Variants in TSPAN15 observed in about 807,000 individuals in gnomAD.
The protein encoded by TSPAN15 is tetraspanin 15.
TSPAN15 carries 20 observed loss-of-function variants against 34.5 expected under a neutral mutation model. That is an observed-to-expected ratio of 0.58 (90% CI 0.41 to 0.84). TSPAN15 has a LOEUF of 0.84. Ranked by LOEUF, TSPAN15 falls within the 40% of genes least tolerant of loss-of-function variation. The pLI is 0.00. For missense variants in TSPAN15, 313 were observed against 386.1 expected (o/e 0.81, Z 1.59); for synonymous variants, 155 against 153.9 (o/e 1.01, Z -0.05).
chr10:69,537,622 A>G, the TSPAN15 span, among the ~76,000 whole-genome samples: 5,099 of 152,330 alleles, frequency 0.033, 137 homozygotes, highest in Non-Finnish European at 0.054. Flanking sequence ...ATCTTGGATT[A>G]GAGGCCTATC....
In TSPAN15 at chr10:69,469,245, T is replaced by A. The variant is rs144844070; in HGVS notation, c.97-14446T>A. Reference sequence around the variant, plus strand: ...GTGGGCTCAGAGAGGGCCTGGGAGCTCCCTCCCCACCTTGCCCAGTGCATC... The same window carrying A: ...GTGGGCTCAGAGAGGGCCTGGGAGCACCCTCCCCACCTTGCCCAGTGCATC... On this transcript the variant is annotated intron_variant, in intron 1 of 7. Transcript: ENST00000373290. Among the ~76,000 whole-genome samples the A allele has an allele frequency of 2.1e-3, 316 of 152,174 alleles. 1 individual carries two copies. Among genetic ancestry groups the A allele is most frequent in the African/African-American group, 7.1e-3 (295 of 41,506 alleles).
At chr10:69,453,303 T>C (rs1390426852) in intron 1 of TSPAN15, among the ~76,000 whole-genome samples, 1 of 152,178 alleles carries the variant, frequency 6.6e-6, no homozygotes, top group Non-Finnish European at 1.5e-5. Context: ...TACATAAGCT[T>C]AATTGTAGTA....
chr10:69,469,934 A>C (rs532892742), intron 1 of TSPAN15, among the ~76,000 whole-genome samples: 1 of 152,302 alleles, frequency 6.6e-6, no homozygotes, highest in African/African-American at 2.4e-5. Flanking sequence ...TACGACACCC[A>C]GCTGGTCTCT....
chr10:69,538,794 C>A, the TSPAN15 span, among the ~76,000 whole-genome samples: 1 of 152,108 alleles, frequency 6.6e-6, no homozygotes, highest in Non-Finnish European at 1.5e-5. Context: ...CACGTGTAGA[C>A]GCCCCAGCCT....
At chr10:69,547,156 G>A in the TSPAN15 span, among the ~76,000 whole-genome samples, 1 of 151,974 alleles carries the variant, frequency 6.6e-6, no homozygotes, top group Admixed American at 6.5e-5. Flanking sequence ...AAGCTGAGAT[G>A]GCGCCACTGC....
chr10:69,468,545 C>T (rs1181825724), intron 1 of TSPAN15, among the ~76,000 whole-genome samples: 1 of 147,964 alleles, frequency 6.8e-6, no homozygotes, highest in Admixed American at 6.8e-5. Flanking sequence ...AAAAGTTAAA[C>T]GCACAGAAAA....
At chr10:69,509,185 C>T (rs1247284168), downstream of TSPAN15, among the ~76,000 whole-genome samples, 1 of 152,152 alleles carries the variant, frequency 6.6e-6, no homozygotes, top group Non-Finnish European at 1.5e-5. Context: ...GACCCTGGAA[C>T]CCGGACCCCT....
At chr10:69,503,592 GAC>G (rs1842254763) in intron 5 of TSPAN15, among the ~76,000 whole-genome samples, 1 of 152,158 alleles carries the variant, frequency 6.6e-6, no homozygotes, top group South Asian at 2.1e-4. Flanking sequence ...CAGGAAATGT[GAC>G]ACCAGAGGGC....
chr10:69,521,613 A>G, the TSPAN15 span, among the ~76,000 whole-genome samples: 1 of 148,044 alleles, frequency 6.8e-6, no homozygotes. Context: ...AATAAATACA[A>G]TTAAAAATAA....
chr10:69,463,104 G>T (rs992929094), intron 1 of TSPAN15, among the ~76,000 whole-genome samples: 2 of 152,216 alleles, frequency 1.3e-5, no homozygotes, highest in Non-Finnish European at 2.9e-5. Flanking sequence ...TCTTTTATGT[G>T]CTCTAAAGGC....
At chr10:69,526,866 T>C in the TSPAN15 span, among the ~76,000 whole-genome samples, 1 of 146,570 alleles carries the variant, frequency 6.8e-6, no homozygotes, top group African/African-American at 2.5e-5. Flanking sequence ...CTTTATACAT[T>C]GCAGTTGGGA....
In TSPAN15 at chr10:69,507,497, G is replaced by A. The variant is rs1842358376; in HGVS notation, c.*519G>A. The A allele has an allele frequency of 7.7e-7, 1 of 1,304,252 alleles. No homozygotes were observed. Among genetic ancestry groups the A allele is most frequent in the Non-Finnish European group, 1.0e-6 (1 of 989,308 alleles). 80.8% of individuals were successfully genotyped at this position (1,304,252 alleles called of 1,614,324 possible). A position where few individuals can be genotyped will look rare whatever the true frequency, so the allele number is the denominator to read the frequency against. ...CTTGAGCCCTCTTGCAAGGGCGGCT[G>A]CTTCCTTGAGCCTAGTTTTTTTACG... is the stretch of plus-strand genomic sequence containing the variant. On this transcript the variant is annotated 3_prime_UTR_variant, in exon 8 of 8. Coordinates refer to ENST00000373290, the MANE Select transcript of TSPAN15 (RefSeq NM_012339.5).
At chr10:69,480,499 G>A (rs557195796) in intron 1 of TSPAN15, among the ~76,000 whole-genome samples, 16 of 152,260 alleles carry the variant, frequency 1.1e-4, no homozygotes, top group African/African-American at 3.1e-4. Flanking sequence ...TCCAGTACCC[G>A]AGTCCCTGAA....
intron 5 of TSPAN15, among the ~76,000 whole-genome samples, chr10:69,502,033 G>A (rs1179086050): frequency 1.3e-5 from 2 of 149,614 alleles, no homozygotes; most frequent in Admixed American, 1.3e-4. Context: ...AGTCTCTGGT[G>A]CCAGAAAGGT....
intron 1 of TSPAN15, among the ~76,000 whole-genome samples, chr10:69,459,044 G>A (rs993026332): frequency 9.3e-5 from 14 of 150,482 alleles, no homozygotes; most frequent in African/African-American, 3.4e-4. Context: ...TCCACACAGG[G>A]GAAAGATGTT....
intron 3 of TSPAN15, among the ~76,000 whole-genome samples, chr10:69,489,839 CT>C (rs1841931888): frequency 6.6e-6 from 1 of 152,248 alleles, no homozygotes; most frequent in African/African-American, 2.4e-5. Flanking sequence ...TACGACACCC[CT>C]GACCCCAGCC....
chr10:69,527,358 G>T, the TSPAN15 span, among the ~76,000 whole-genome samples: 1 of 147,758 alleles, frequency 6.8e-6, no homozygotes, highest in Non-Finnish European at 1.5e-5. Flanking sequence ...CACTTTGGGA[G>T]GCTGAGACAG....
At chr10:69,457,092 T>C (rs61086796) in intron 1 of TSPAN15, among the ~76,000 whole-genome samples, 13,758 of 152,286 alleles carry the variant, frequency 0.09, 696 homozygotes, top group Non-Finnish European at 0.12. Context: ...CCTCAGCCCA[T>C]TGGGGACACA....
At chr10:69,503,285 C>T (rs75594140) in intron 5 of TSPAN15, among the ~76,000 whole-genome samples, 5,423 of 152,288 alleles carry the variant, frequency 0.036, 168 homozygotes, top group Non-Finnish European at 0.051. Context: ...AACCCTCTCT[C>T]GGAAGGAGAG....
Sources: allele counts gnomAD v4.1 joint callset (sites outside exome capture counted in the v4.1 genomes callset), GRCh38; gene constraint gnomAD v4.1.1; transcripts MANE v1.5; gene names NCBI Gene and HGNC (gene_info 2026-07-23, HGNC 2026-07-21).